Variants in MTMR7 observed in about 807,000 individuals in gnomAD.
MTMR7 encodes the protein phosphatidylinositol-3-phosphate phosphatase MTMR7.
A neutral mutation model predicts 81.2 loss-of-function variants in MTMR7; 76 were observed. The observed-to-expected ratio is 0.94, with a 90% CI of 0.78 to 1.13. The LOEUF is 1.13. Among genes scored for constraint, MTMR7 ranks in the 50% most tolerant of loss-of-function variants. The pLI is 0.00. For synonymous variants in MTMR7, 372 were observed against 289.8 expected (o/e 1.28, Z -2.88); for missense variants, 1,044 against 820.0 (o/e 1.27, Z -3.34).
intron 6 of MTMR7, among the ~76,000 whole-genome samples, chr8:17,340,152 C>T (rs971477164): frequency 1.3e-5 from 2 of 152,194 alleles, no homozygotes; most frequent in African/African-American, 4.8e-5. Flanking sequence ...GAGGTTTCAC[C>T]ATGTTGGTCA....
At chr8:17,413,169 G>A in intron 1 of MTMR7, 100 bp downstream of exon 1, 1 of 1,366,760 alleles carries the variant, frequency 7.3e-7, no homozygotes, top group East Asian at 2.6e-5. Flanking sequence ...AGGCTCCGCC[G>A]GTGCCCCTCA....
intron 1 of MTMR7, among the ~76,000 whole-genome samples, chr8:17,411,381 C>G (rs1163610435): frequency 6.6e-6 from 1 of 152,208 alleles, no homozygotes; most frequent in African/African-American, 2.4e-5. Context: ...ACCCACTGCA[C>G]CTTGCACATG....
intron 4 of MTMR7, among the ~76,000 whole-genome samples, chr8:17,355,806 C>A (rs1432714287): frequency 6.6e-6 from 1 of 152,082 alleles, no homozygotes; most frequent in African/African-American, 2.4e-5. Context: ...ACAGAAGAGT[C>A]AACATGAACA....
At chr8:17,308,094 G>C (rs1299695376) in intron 10 of MTMR7, among the ~76,000 whole-genome samples, 1 of 151,886 alleles carries the variant, frequency 6.6e-6, no homozygotes, top group East Asian at 1.9e-4. Flanking sequence ...TGCATTATGG[G>C]AGACTGATTT....
intron 3 of MTMR7, among the ~76,000 whole-genome samples, chr8:17,364,861 G>C (rs1416063135): frequency 6.6e-6 from 1 of 152,190 alleles, no homozygotes; most frequent in Non-Finnish European, 1.5e-5. Flanking sequence ...ACTGTGAATA[G>C]TGCTGCAACG....
chr8:17,298,556 A>G lies in MTMR7; in HGVS notation c.*1306T>C, dbSNP rs953711366. 2 of 152,574 alleles carry G rather than the reference A, an allele frequency of 1.3e-5. No homozygotes were observed. Among genetic ancestry groups the G allele is most frequent in the African/African-American group, 4.8e-5 (2 of 41,452 alleles). The allele number at this position is 152,574 out of a possible 1,614,324, so 9.5% of individuals were successfully genotyped here. On this transcript the variant is annotated 3_prime_UTR_variant, in exon 14 of 14. Transcript: ENST00000180173. The stretch of plus-strand genomic sequence containing the variant: ...AATAATTCTCCCATTAAAAAAAATC[A>G]GATATTCAAAATATTGATGTAAATT...
At chr8:17,331,816 T>C (rs1819018368) in intron 6 of MTMR7, among the ~76,000 whole-genome samples, 1 of 152,164 alleles carries the variant, frequency 6.6e-6, no homozygotes, top group Middle Eastern at 3.2e-3. Flanking sequence ...AATTACTGAA[T>C]AAAATGAAGA....
chr8:17,396,784 C>T (rs1262847177), intron 1 of MTMR7, among the ~76,000 whole-genome samples: 5 of 151,886 alleles, frequency 3.3e-5, no homozygotes, highest in African/African-American at 4.8e-5. Context: ...CCTCTCACAA[C>T]CCCAGGCAGT....
intron 7 of MTMR7, among the ~76,000 whole-genome samples, 181 bp downstream of exon 7, chr8:17,330,969 C>G (rs1382247866): frequency 1.3e-5 from 2 of 152,182 alleles, no homozygotes; most frequent in Non-Finnish European, 2.9e-5. Flanking sequence ...AAAACCACAT[C>G]ACAGTGATGC....
intron 8 of MTMR7, 64 bp from the exon 9 acceptor site, chr8:17,311,700 C>A: frequency 6.2e-7 from 1 of 1,608,552 alleles, no homozygotes; most frequent in Non-Finnish European, 8.5e-7. Flanking sequence ...AACCTCTCAT[C>A]ACAGCCAGGT....
In MTMR7 at chr8:17,299,603, C is replaced by T. The variant is rs545801397; in HGVS notation, c.*259G>A. On this transcript the variant is annotated 3_prime_UTR_variant, in exon 14 of 14. Coordinates refer to ENST00000180173, the MANE Select transcript of MTMR7 (RefSeq NM_004686.5). ...GGTAATGACAGAAGTAATTGCTCTG[C>T]AGTGAATATAATTTTCATAGTCTAG... is the stretch of plus-strand genomic sequence containing the variant. The T allele has an allele frequency of 3.5e-5, 16 of 459,188 alleles. No homozygotes were observed. The highest frequency in any genetic ancestry group is 6.2e-4 in the Middle Eastern group (1 of 1,604). 28.4% of individuals were successfully genotyped at this position (459,188 alleles called of 1,614,324 possible).
At chr8:17,358,160 A>G (rs922078281) in intron 4 of MTMR7, among the ~76,000 whole-genome samples, 17 of 152,330 alleles carry the variant, frequency 1.1e-4, no homozygotes, top group Admixed American at 9.1e-4. Flanking sequence ...AAAAAATCTA[A>G]CCAAACTCAG....
rs759019291 is a variant in MTMR7 at position 17,373,166 on chromosome 8, G to C, written c.99C>G (p.Thr33=). ...GTGAATTTTCCACGAATATGACATG[G>C]GTAGCCGTCAAATACAAAGTACCTA... is the stretch of plus-strand genomic sequence containing the variant. ...AALGTLYLTA[T]HVIFVENSPD... is the part of the protein sequence containing the mutation. The change falls in exon 2 of 14, where the codon ACC becomes ACG. Residue 33 remains threonine (T), a synonymous_variant. Transcript: ENST00000180173. 3.7e-6 allele frequency: 6 copies of C among 1,613,678 alleles called. No individual in the cohort carries two copies. The Admixed American group carries it at 6.7e-5, about 18-fold the overall frequency.
rs374407906 is a variant in MTMR7, at chr8:17,316,837, G to A, written c.866-3436C>T. ...ATGTTATTATGTAAGGGACTTCTGCGTGTGTGGATTTGAGAATCTATGGGG... is the reference window on the plus strand; with the variant it reads ...ATGTTATTATGTAAGGGACTTCTGCATGTGTGGATTTGAGAATCTATGGGG... On this transcript the variant is annotated intron_variant, in intron 7 of 13. Transcript: ENST00000180173. Among the ~76,000 whole-genome samples, 25 of 152,086 alleles carry A rather than the reference G, an allele frequency of 1.6e-4. No homozygotes were observed. The South Asian group carries it at 2.7e-3, about 16-fold the overall frequency.
In MTMR7 at chr8:17,373,152, A is replaced by G. The variant is rs908128088; in HGVS notation, c.113T>C (p.Val38Ala). Residue 38 changes from valine to alanine, a missense_variant, in exon 2 of 14, where the codon GTG (valine) becomes GCG (alanine). Physicochemically the swap from Val to Ala is moderately conservative, Grantham distance 64. Coordinates refer to ENST00000180173, the MANE Select transcript of MTMR7 (RefSeq NM_004686.5). ...TTTTCTTGGGTCAGGTGAATTTTCC[A>G]CGAATATGACATGGGTAGCCGTCAA... The part of the protein sequence containing the change: ...LYLTATHVIF[V>A]ENSPDPRKET... The G allele has an allele frequency of 6.2e-7, 1 of 1,613,898 alleles. No individual in the cohort carries two copies. Among genetic ancestry groups the G allele is most frequent in the Admixed American group, 1.7e-5 (1 of 60,006 alleles).
intron 1 of MTMR7, among the ~76,000 whole-genome samples, chr8:17,398,477 A>T (rs932636301): frequency 6.6e-6 from 1 of 152,176 alleles, no homozygotes; most frequent in African/African-American, 2.4e-5. Flanking sequence ...GTGAGCTTGA[A>T]GACAAGCTAT....
intron 3 of MTMR7, among the ~76,000 whole-genome samples, chr8:17,367,308 C>A (rs1213044290): frequency 6.6e-6 from 1 of 151,936 alleles, no homozygotes; most frequent in Non-Finnish European, 1.5e-5. Flanking sequence ...CCCACAAACA[C>A]TAAGGAGGGG....
intron 6 of MTMR7, among the ~76,000 whole-genome samples, chr8:17,339,935 T>G (rs1819356093): frequency 6.6e-6 from 1 of 152,202 alleles, no homozygotes. Context: ...AACAGTGTGG[T>G]ATACATTCTC....
chr8:17,382,076 A>T (rs1820777810), intron 1 of MTMR7, among the ~76,000 whole-genome samples: 1 of 152,204 alleles, frequency 6.6e-6, no homozygotes, highest in Non-Finnish European at 1.5e-5. Context: ...TGCATACAAT[A>T]ATGACTCAAT....
Sources: gnomAD v4.1 joint callset for allele counts (sites outside exome capture counted in the v4.1 genomes callset) on GRCh38, gnomAD v4.1.1 for gene constraint, MANE v1.5 for transcripts, NCBI Gene and HGNC (gene_info 2026-07-23, HGNC 2026-07-21) for gene names.